DACH2: variants seen among roughly 807,000 people sequenced by gnomAD.
The protein encoded by DACH2 is dachshund family transcription factor 2.
Under a neutral mutation model 35.8 loss-of-function variants are expected in DACH2, and 17 were observed. That is an observed-to-expected ratio of 0.48 (90% confidence interval 0.33 to 0.71). The LOEUF (loss-of-function observed/expected upper bound fraction) is 0.71, where lower values mean the gene tolerates loss of function less well. Among genes scored for constraint, DACH2 ranks in the 30% least tolerant of loss-of-function variants. The pLI is 0.02. For missense variants in DACH2, 469 were observed against 472.7 expected, an observed-to-expected ratio of 0.99 and a Z score of 0.07; for synonymous variants, 195 against 177.3, an observed-to-expected ratio of 1.10 and a Z score of -0.79.
At chrX:86,162,443 G>A (rs186502361) in intron 1 of DACH2, among the ~76,000 whole-genome samples, 1 of 111,359 alleles carries the variant, frequency 9.0e-6, no homozygotes, top group African/African-American at 3.3e-5. Flanking sequence ...TAACTGATAG[G>A]TGGGAAGTAG....
intron 1 of DACH2, among the ~76,000 whole-genome samples, chrX:86,234,448 T>G (rs1235163128): frequency 9.0e-6 from 1 of 111,252 alleles, no homozygotes; most frequent in Non-Finnish European, 1.9e-5. Flanking sequence ...CAACCCCATT[T>G]TTATAGACTT....
At chrX:86,611,715 C>G (rs150352615) in intron 3 of DACH2, among the ~76,000 whole-genome samples, 1 of 110,855 alleles carries the variant, frequency 9.0e-6, no homozygotes, top group Admixed American at 9.6e-5. Context: ...AAATTCAATG[C>G]CAAGTCTCAC....
At chrX:86,259,488 A>G (rs1369923383) in intron 1 of DACH2, among the ~76,000 whole-genome samples, 2 of 111,816 alleles carry the variant, frequency 1.8e-5, no homozygotes, top group Non-Finnish European at 3.8e-5. Flanking sequence ...CAGAGAAGTA[A>G]TGGTGTCTAT....
chrX:86,511,720 G>A (rs902461420), intron 2 of DACH2, among the ~76,000 whole-genome samples: 1 of 111,620 alleles, frequency 9.0e-6, no homozygotes, highest in Non-Finnish European at 1.9e-5. Flanking sequence ...GACTGAATAA[G>A]TGATATCGTT....
At position 86,568,937 on chromosome X, in the gene DACH2, TTTC is replaced by T. The variant is rs1321525522; in HGVS notation, c.640+54554_640+54556del. On this transcript the variant is annotated intron_variant, in intron 3 of 11. Coordinates refer to ENST00000373125, the MANE Select transcript of DACH2 (RefSeq NM_053281.3). ...ACTTCCGATTTCACCTTCTGGGTAT[TTTC>T]TTCTTCTGTGGTTCTATTTATCTCC... is the stretch of plus-strand genomic sequence containing the variant. Among the ~76,000 whole-genome samples the T allele has an allele frequency of 9.9e-5, 11 of 111,502 alleles. No homozygotes were observed. The Admixed American group carries it at 1.1e-3, about 11-fold the overall frequency.
At chrX:86,521,462 A>C (rs2148277943) in intron 3 of DACH2, among the ~76,000 whole-genome samples, 1 of 111,823 alleles carries the variant, frequency 8.9e-6, no homozygotes, top group Non-Finnish European at 1.9e-5. Flanking sequence ...AGTTTGGGGA[A>C]GTCTTCATGG....
At chrX:86,329,886 G>A (rs748979564) in intron 1 of DACH2, among the ~76,000 whole-genome samples, 14 of 111,857 alleles carry the variant, frequency 1.3e-4, no homozygotes, top group Non-Finnish European at 2.3e-4. Context: ...TGTTGTTGAT[G>A]TGGGATTCCT....
chrX:86,716,133 C>T (rs1488666910), intron 6 of DACH2, among the ~76,000 whole-genome samples: 4 of 111,129 alleles, frequency 3.6e-5, no homozygotes, highest in African/African-American at 1.3e-4. Flanking sequence ...TACACAAATT[C>T]CCTGGCAACA....
chrX:86,685,224 A>G (rs1383698979), intron 4 of DACH2, among the ~76,000 whole-genome samples: 1 of 111,642 alleles, frequency 9.0e-6, no homozygotes, highest in Non-Finnish European at 1.9e-5. Context: ...TGTACATAGA[A>G]CATATCACAA....
At chrX:86,335,218 C>T (rs2035284448) in intron 1 of DACH2, among the ~76,000 whole-genome samples, 1 of 110,753 alleles carries the variant, frequency 9.0e-6, no homozygotes, top group Admixed American at 9.7e-5. Flanking sequence ...GTTCTTTTTG[C>T]TTCTTGGCTA....
At chrX:86,656,877 A>G (rs888984157) in intron 4 of DACH2, among the ~76,000 whole-genome samples, 3 of 98,650 alleles carry the variant, frequency 3.0e-5, no homozygotes, top group African/African-American at 1.1e-4. Context: ...ATATATATAT[A>G]TATATATATA....
chrX:86,428,095 C>T (rs1169355644), intron 2 of DACH2, among the ~76,000 whole-genome samples: 2 of 111,523 alleles, frequency 1.8e-5, no homozygotes, highest in Non-Finnish European at 3.8e-5. Flanking sequence ...GGAATTTATA[C>T]TAACTAAAGT....
At chrX:86,598,901 C>T (rs1458664728) in intron 3 of DACH2, among the ~76,000 whole-genome samples, 1 of 109,164 alleles carries the variant, frequency 9.2e-6, no homozygotes, top group African/African-American at 3.4e-5. Context: ...TGTGCTGCAC[C>T]CATTAACTCG....
At chrX:86,660,424 C>T (rs1208331986) in intron 4 of DACH2, among the ~76,000 whole-genome samples, 1 of 111,422 alleles carries the variant, frequency 9.0e-6, no homozygotes, top group East Asian at 2.8e-4. Flanking sequence ...GTTATCCTTG[C>T]AGGTTAAGTA....
chrX:86,152,942 T>C, intron 1 of DACH2, among the ~76,000 whole-genome samples: 1 of 111,897 alleles, frequency 8.9e-6, no homozygotes, highest in Non-Finnish European at 1.9e-5. Context: ...AGATTTTTCT[T>C]ACTAAATTCT....
intron 1 of DACH2, among the ~76,000 whole-genome samples, chrX:86,359,010 A>G (rs1159829411): frequency 9.1e-6 from 1 of 110,184 alleles, no homozygotes; most frequent in Non-Finnish European, 1.9e-5. Context: ...GGAATGTGAT[A>G]CGTTGGTAGA....
At chrX:86,658,765 A>C (rs1449363114) in intron 4 of DACH2, among the ~76,000 whole-genome samples, 1 of 111,692 alleles carries the variant, frequency 9.0e-6, no homozygotes, top group Non-Finnish European at 1.9e-5. Context: ...ATCTATTTTT[A>C]AACTATAACA....
intron 2 of DACH2, among the ~76,000 whole-genome samples, chrX:86,468,178 A>G (rs945872300): frequency 3.6e-5 from 4 of 111,930 alleles, no homozygotes; most frequent in African/African-American, 1.3e-4. Flanking sequence ...TAAATGTTGA[A>G]TGGCTTTGGG....
chrX:86,678,151 G>C (rs747574568), intron 4 of DACH2, among the ~76,000 whole-genome samples: 2 of 111,995 alleles, frequency 1.8e-5, no homozygotes, highest in Admixed American at 1.9e-4. Flanking sequence ...CAAGGGTGCA[G>C]GTGTTCACAC....
Sources: gnomAD v4.1 joint callset for allele counts (sites outside exome capture counted in the v4.1 genomes callset) on GRCh38, gnomAD v4.1.1 for gene constraint, MANE v1.5 for transcripts, NCBI Gene and HGNC (gene_info 2026-07-23, HGNC 2026-07-21) for gene names.